The following ARL15 variants were observed in gnomAD, a reference collection of about 807,000 sequenced individuals.
The protein encoded by ARL15 is ADP-ribosylation factor-like protein 15.
A neutral mutation model predicts 25.2 loss-of-function variants in ARL15; 19 were observed. The observed-to-expected ratio is 0.75, with a 90% CI of 0.53 to 1.10. The LOEUF (loss-of-function observed/expected upper bound fraction) is 1.10, where lower values mean the gene tolerates loss of function less well. Ranked by LOEUF, ARL15 falls within the 50% of genes least tolerant of loss-of-function variation. ARL15 has a pLI of 0.00. For missense variants in ARL15, 220 were observed against 246.0 expected (o/e 0.89, Z 0.71); for synonymous variants, 94 against 86.8 (o/e 1.08, Z -0.46).
intron 1 of ARL15, among the ~76,000 whole-genome samples, chr5:54,273,834 G>A (rs771303226): frequency 3.3e-5 from 5 of 152,210 alleles, no homozygotes; most frequent in Non-Finnish European, 5.9e-5. Flanking sequence ...GCCACCAGAT[G>A]CTGGGGGAGG....
At chr5:54,175,998 A>C (rs1754860668) in intron 1 of ARL15, among the ~76,000 whole-genome samples, 1 of 152,082 alleles carries the variant, frequency 6.6e-6, no homozygotes, top group Non-Finnish European at 1.5e-5. Context: ...CTCCAGTCCC[A>C]TGGTTTCAAT....
At chr5:54,179,784 G>A (rs770633256) in intron 1 of ARL15, among the ~76,000 whole-genome samples, 3 of 152,034 alleles carry the variant, frequency 2.0e-5, no homozygotes. Context: ...TTGGGAGGCC[G>A]AGGTAGGGGG....
chr5:54,214,867 C>T (rs1204257041), intron 1 of ARL15, among the ~76,000 whole-genome samples: 1 of 152,172 alleles, frequency 6.6e-6, no homozygotes, highest in East Asian at 1.9e-4. Flanking sequence ...TGATCAAAGG[C>T]AGCCTGGCCA....
chr5:54,115,677 A>G (rs1752878640), intron 3 of ARL15, among the ~76,000 whole-genome samples: 2 of 152,230 alleles, frequency 1.3e-5, no homozygotes, highest in Admixed American at 1.3e-4. Context: ...TATATATTTA[A>G]TAAGAGGATC....
chr5:54,037,833 C>T (rs182027601), intron 4 of ARL15, among the ~76,000 whole-genome samples: 25 of 151,992 alleles, frequency 1.6e-4, no homozygotes, highest in Non-Finnish European at 2.8e-4. Flanking sequence ...TGCTAACAAG[C>T]TAAAACAAAC....
chr5:54,164,089 T>G (rs1754499478), intron 2 of ARL15, among the ~76,000 whole-genome samples: 1 of 152,072 alleles, frequency 6.6e-6, no homozygotes, highest in African/African-American at 2.4e-5. Flanking sequence ...TGTCATTCAG[T>G]GCAAAATCCT....
chr5:53,904,179 C>T (rs980931391), intron 4 of ARL15, among the ~76,000 whole-genome samples: 3 of 152,096 alleles, frequency 2.0e-5, no homozygotes, highest in South Asian at 2.1e-4. Flanking sequence ...TTGGATCAAC[C>T]GACTCTTCAT....
chr5:54,153,515 C>T (rs1203952457), intron 3 of ARL15, among the ~76,000 whole-genome samples: 1 of 152,056 alleles, frequency 6.6e-6, no homozygotes, highest in Non-Finnish European at 1.5e-5. Context: ...ATTATAAGAA[C>T]ATTCATGTTT....
chr5:54,016,372 C>A (rs1561189997), intron 4 of ARL15, among the ~76,000 whole-genome samples: 1 of 152,140 alleles, frequency 6.6e-6, no homozygotes, highest in Non-Finnish European at 1.5e-5. Context: ...GGAACGAGTG[C>A]AGGACAGGTT....
intron 1 of ARL15, among the ~76,000 whole-genome samples, chr5:54,216,759 T>C (rs1219427487): frequency 6.6e-6 from 1 of 152,198 alleles, no homozygotes; most frequent in Admixed American, 6.5e-5. Flanking sequence ...GTGCTTCAGC[T>C]AGCACAGGTT....
chr5:54,066,026 C>T (rs1157662147), intron 4 of ARL15, among the ~76,000 whole-genome samples: 2 of 152,204 alleles, frequency 1.3e-5, no homozygotes, highest in Non-Finnish European at 2.9e-5. Flanking sequence ...AGTTCTTACT[C>T]TGCTAGATGT....
At chr5:54,027,582 C>T (rs1437221870) in intron 4 of ARL15, among the ~76,000 whole-genome samples, 1 of 152,172 alleles carries the variant, frequency 6.6e-6, no homozygotes, top group East Asian at 1.9e-4. Context: ...TAAAATTCCA[C>T]CAACCTCACA....
chr5:54,110,231 C>T (rs962827826), intron 4 of ARL15, among the ~76,000 whole-genome samples: 2 of 151,918 alleles, frequency 1.3e-5, no homozygotes, highest in African/African-American at 4.8e-5. Context: ...ATACAACTTC[C>T]TTATGATTTT....
At chr5:54,008,716 C>G (rs573966610) in intron 4 of ARL15, among the ~76,000 whole-genome samples, 2 of 152,314 alleles carry the variant, frequency 1.3e-5, no homozygotes, top group African/African-American at 4.8e-5. Context: ...AAATCTTTTC[C>G]CAGTCCCTGT....
intron 3 of ARL15, among the ~76,000 whole-genome samples, chr5:54,126,560 A>G (rs1443700311): frequency 6.6e-6 from 1 of 152,242 alleles, no homozygotes; most frequent in Non-Finnish European, 1.5e-5. Flanking sequence ...TCCCCCAAAA[A>G]GCATGTATTG....
chr5:53,955,267 G>A lies in ARL15; in HGVS notation c.463-68554C>T, dbSNP rs534670843. Reference sequence around the variant, plus strand: ...TACTTTAGAAAAGGATAAAATTTTCGATCTAATCACTTTTCTGCCAAGCTA... The same window carrying A: ...TACTTTAGAAAAGGATAAAATTTTCAATCTAATCACTTTTCTGCCAAGCTA... On this transcript the variant is annotated intron_variant, in intron 4 of 4. Transcript: ENST00000504924. Among the ~76,000 whole-genome samples, 8 of 151,836 alleles carry A rather than the reference G, an allele frequency of 5.3e-5. No individual in the cohort carries two copies. In the East Asian group the frequency reaches 7.7e-4, roughly 15 times the overall value.
intron 1 of ARL15, among the ~76,000 whole-genome samples, chr5:54,308,529 T>A (rs942849139): frequency 6.6e-5 from 10 of 152,208 alleles, no homozygotes; most frequent in Admixed American, 2.0e-4. Context: ...TTAATCTGCT[T>A]TTAGGGTAAA....
chr5:54,108,872 T>C (rs940627706), intron 4 of ARL15, among the ~76,000 whole-genome samples: 1 of 151,952 alleles, frequency 6.6e-6, no homozygotes, highest in Non-Finnish European at 1.5e-5. Flanking sequence ...TTCCAGAAGA[T>C]GTCTAATACT....
chr5:54,006,344 A>G (rs1323253585), intron 4 of ARL15, among the ~76,000 whole-genome samples: 5 of 152,204 alleles, frequency 3.3e-5, no homozygotes, highest in South Asian at 2.1e-4. Context: ...CAGTTTGACC[A>G]TAAGTAACTG....
Sources: gnomAD v4.1 joint callset for allele counts (sites outside exome capture counted in the v4.1 genomes callset) on GRCh38, gnomAD v4.1.1 for gene constraint, MANE v1.5 for transcripts, NCBI Gene and HGNC (gene_info 2026-07-23, HGNC 2026-07-21) for gene names.